HS3ST4: variants seen among roughly 807,000 people sequenced by gnomAD.
HS3ST4 encodes the protein heparan sulfate-glucosamine 3-sulfotransferase 4, also known as heparan sulfate glucosamine 3-O-sulfotransferase 4.
In HS3ST4, 17 loss-of-function variants were observed where a neutral mutation model predicts 29.2. The observed-to-expected ratio is 0.58, with a 90% CI of 0.40 to 0.87. The LOEUF is 0.87. Among genes scored for constraint, HS3ST4 ranks in the 40% least tolerant of loss-of-function variants. The probability of loss-of-function intolerance (pLI) is 0.00; values close to 1 mark genes in which losing one functional copy is unlikely to be tolerated. For synonymous variants in HS3ST4, 314 were observed against 285.7 expected (o/e 1.10, Z -1.00); for missense variants, 627 against 634.5 (o/e 0.99, Z 0.13).
chr16:26,021,972 A>G (rs1319758087), intron 1 of HS3ST4, among the ~76,000 whole-genome samples: 1 of 149,648 alleles, frequency 6.7e-6, no homozygotes, highest in Non-Finnish European at 1.5e-5. Flanking sequence ...TACTATTATT[A>G]TTTTTTGGGG....
At position 26,136,177 on chromosome 16, in the gene HS3ST4, C is replaced by G; in HGVS notation, c.1300C>G (p.Pro434Ala). ...VIHRLRKFYK[P>A]FNLMFYQMTG... ...CCACAGACTGAGGAAATTCTACAAA[C>G]CCTTCAACTTGATGTTTTACCAAAT... The change falls in exon 2 of 2, where the codon CCC becomes GCC. Residue 434 changes from proline (P) to alanine (A), a missense_variant. Coordinates refer to ENST00000331351, the MANE Select transcript of HS3ST4 (RefSeq NM_006040.3). 6.2e-7 allele frequency: 1 copy of G among 1,613,374 alleles called. No individual in the cohort carries two copies. Among genetic ancestry groups the G allele is most frequent in the Non-Finnish European group, 8.5e-7 (1 of 1,179,668 alleles).
At chr16:26,018,503 C>G (rs1029044031) in intron 1 of HS3ST4, among the ~76,000 whole-genome samples, 7 of 152,116 alleles carry the variant, frequency 4.6e-5, no homozygotes, top group African/African-American at 1.7e-4. Context: ...TCGTGATGAA[C>G]CAAAGAGACA....
chr16:25,724,441 G>A (rs1208531840), intron 1 of HS3ST4, among the ~76,000 whole-genome samples: 2 of 148,510 alleles, frequency 1.3e-5, no homozygotes, highest in African/African-American at 5.0e-5. Context: ...TTGGTTCACT[G>A]CAACCTCCAT....
intron 1 of HS3ST4, among the ~76,000 whole-genome samples, chr16:25,801,259 C>T (rs1006084919): frequency 1.4e-4 from 22 of 152,132 alleles, no homozygotes; most frequent in African/African-American, 5.3e-4. Flanking sequence ...AAGTTCTGAC[C>T]TATGCTGGTA....
intron 1 of HS3ST4, among the ~76,000 whole-genome samples, chr16:25,713,219 A>G (rs1287093775): frequency 6.6e-6 from 1 of 152,032 alleles, no homozygotes; most frequent in Non-Finnish European, 1.5e-5. Context: ...TTTTAAATTA[A>G]TCACCTCTTT....
intron 1 of HS3ST4, among the ~76,000 whole-genome samples, chr16:26,045,657 C>T (rs1418641633): frequency 1.3e-5 from 2 of 152,016 alleles, no homozygotes; most frequent in Non-Finnish European, 2.9e-5. Context: ...CTTCCTAAGC[C>T]CTTGATGGCT....
intron 1 of HS3ST4, among the ~76,000 whole-genome samples, chr16:26,129,125 T>C (rs932547968): frequency 6.6e-6 from 1 of 152,206 alleles, no homozygotes; most frequent in Non-Finnish European, 1.5e-5. Context: ...ATCCATTTGC[T>C]TCAATTGAGG....
chr16:25,927,854 G>GT (rs2141685961), intron 1 of HS3ST4, among the ~76,000 whole-genome samples: 2 of 152,138 alleles, frequency 1.3e-5, no homozygotes, highest in South Asian at 4.2e-4. Context: ...CACTGAGGAT[G>GT]TAACTGTGAT....
At position 26,117,429 on chromosome 16, in the gene HS3ST4, G is replaced by A. The variant is rs1048821996; in HGVS notation, c.735-18183G>A. On this transcript the variant is annotated intron_variant, in intron 1 of 1. Transcript: ENST00000331351. ...CCTGACTTGTAACTTGCCTTCTAGC[G>A]TGAACTCTGAAATTGACCTTCAGTT... is the stretch of plus-strand genomic sequence containing the variant. Among the ~76,000 whole-genome samples the A allele has an allele frequency of 3.9e-5, 6 of 152,290 alleles. No homozygotes were observed. The East Asian group carries it at 9.7e-4, about 25-fold the overall frequency.
At chr16:25,926,724 T>C (rs1968406650) in intron 1 of HS3ST4, among the ~76,000 whole-genome samples, 1 of 152,230 alleles carries the variant, frequency 6.6e-6, no homozygotes, top group Non-Finnish European at 1.5e-5. Flanking sequence ...TAGTAAGTTG[T>C]AGTACCAGAC....
Position 25,739,384 on chromosome 16 carries a change from A to G in HS3ST4, c.734+46233A>G, listed in dbSNP as rs1413168360. ...AAGCAAACAAATAAACGAACAAAAA[A>G]AACTTGCTGAGTGAATGAATGAAGG... On this transcript the variant is annotated intron_variant, in intron 1 of 1. Coordinates refer to ENST00000331351, the MANE Select transcript of HS3ST4 (RefSeq NM_006040.3). 2.6e-5 allele frequency among the ~76,000 whole-genome samples: 4 copies of G among 152,196 alleles called. No homozygotes were observed. In the East Asian group the frequency reaches 7.7e-4, roughly 29 times the overall value.
intron 1 of HS3ST4, among the ~76,000 whole-genome samples, chr16:25,749,452 AC>A (rs1321739595): frequency 6.6e-6 from 1 of 152,084 alleles, no homozygotes; most frequent in Non-Finnish European, 1.5e-5. Context: ...CCATCATTGC[AC>A]CACTGTATTC....
intron 1 of HS3ST4, among the ~76,000 whole-genome samples, chr16:26,017,104 T>C (rs1969369508): frequency 6.6e-6 from 1 of 152,212 alleles, no homozygotes. Flanking sequence ...AACACTTGCA[T>C]TCAGCAACTG....
intron 1 of HS3ST4, among the ~76,000 whole-genome samples, chr16:25,715,630 G>A (rs934885451): frequency 2.0e-5 from 3 of 152,198 alleles, no homozygotes; most frequent in African/African-American, 7.2e-5. Flanking sequence ...TGTAAGACTT[G>A]GGGATTCACC....
chr16:25,873,278 T>TCTTC (rs1967776434), intron 1 of HS3ST4, among the ~76,000 whole-genome samples: 1 of 110,432 alleles, frequency 9.1e-6, no homozygotes, highest in African/African-American at 3.4e-5. Flanking sequence ...ATTTGTCCAT[T>TCTTC]CATCCATCCA....
At position 25,704,329 on chromosome 16, in the gene HS3ST4, C is replaced by G. The variant is rs117101353; in HGVS notation, c.734+11178C>G. 7.5e-3 allele frequency among the ~76,000 whole-genome samples: 1,142 copies of G among 152,304 alleles called. 3 individuals carry two copies. The highest frequency in any genetic ancestry group is 0.011 in the Non-Finnish European group (779 of 68,024). ...CTCCCCCAAAGGTTCCTATAGCACA[C>G]AACATTATTTCATTTATTCCTCACA... On this transcript the variant is annotated intron_variant, in intron 1 of 1. Transcript: ENST00000331351.
intron 1 of HS3ST4, chr16:25,933,388 G>A (rs779608626): frequency 1.9e-6 from 1 of 517,074 alleles, no homozygotes; most frequent in South Asian, 1.4e-5. Context: ...AAACAGAGGT[G>A]TCTTGAACTG....
chr16:25,926,846 T>C (rs1968408240), intron 1 of HS3ST4, among the ~76,000 whole-genome samples: 1 of 152,210 alleles, frequency 6.6e-6, no homozygotes, highest in Non-Finnish European at 1.5e-5. Context: ...GGTTTTCCTA[T>C]GATCTCAGTA....
chr16:25,765,145 A>G (rs896835801), intron 1 of HS3ST4, among the ~76,000 whole-genome samples: 3 of 152,246 alleles, frequency 2.0e-5, no homozygotes, highest in African/African-American at 7.2e-5. Context: ...GACCACAGCC[A>G]CTGGGCTTCC....
Sources: gnomAD v4.1 joint callset for allele counts (sites outside exome capture counted in the v4.1 genomes callset) on GRCh38, gnomAD v4.1.1 for gene constraint, MANE v1.5 for transcripts, NCBI Gene and HGNC (gene_info 2026-07-23, HGNC 2026-07-21) for gene names.